Variants in CCDC178 observed in about 807,000 individuals in gnomAD.
CCDC178 encodes coiled-coil domain containing 178, also known as coiled-coil domain-containing protein 178.
CCDC178 carries 126 observed loss-of-function variants against 117.4 expected under a neutral mutation model. The observed-to-expected ratio is 1.07, with a 90% CI of 0.93 to 1.24. CCDC178 has a LOEUF of 1.24. CCDC178 is among the 50% of genes most tolerant of loss of function. CCDC178 has a pLI of 0.00. For missense variants in CCDC178, 1,030 were observed against 986.9 expected, an observed-to-expected ratio of 1.04 and a Z score of -0.59; for synonymous variants, 283 against 313.4, an observed-to-expected ratio of 0.90 and a Z score of 1.02.
chr18:33,229,464 A>G (rs796361598), intron 15 of CCDC178, among the ~76,000 whole-genome samples: 34 of 152,310 alleles, frequency 2.2e-4, no homozygotes, highest in African/African-American at 8.2e-4. Context: ...GATACATTAT[A>G]TGCTTTCTGG....
intron 20 of CCDC178, among the ~76,000 whole-genome samples, chr18:33,206,524 C>T (rs1014683316): frequency 1.3e-5 from 2 of 152,000 alleles, no homozygotes; most frequent in Non-Finnish European, 2.9e-5. Context: ...AGTATGACTA[C>T]ATAAGCAGAA....
At chr18:33,192,727 C>T (rs917709842) in intron 20 of CCDC178, among the ~76,000 whole-genome samples, 2 of 151,292 alleles carry the variant, frequency 1.3e-5, no homozygotes, top group African/African-American at 4.9e-5. Flanking sequence ...ATGGCGAAAC[C>T]CCGTCTCTAC....
At chr18:33,066,148 A>T (rs1265904873) in intron 21 of CCDC178, among the ~76,000 whole-genome samples, 1 of 152,142 alleles carries the variant, frequency 6.6e-6, no homozygotes, top group Non-Finnish European at 1.5e-5. Context: ...GGCATGAGCC[A>T]CCGCGCCTGG....
chr18:33,027,687 C>T (rs923319011), intron 21 of CCDC178, among the ~76,000 whole-genome samples: 8 of 151,570 alleles, frequency 5.3e-5, no homozygotes, highest in Admixed American at 2.6e-4. Flanking sequence ...GTTAAGTGTG[C>T]ACCTAACAAC....
intron 21 of CCDC178, among the ~76,000 whole-genome samples, chr18:33,057,248 A>C (rs996185074): frequency 2.0e-5 from 3 of 152,150 alleles, no homozygotes; most frequent in Non-Finnish European, 4.4e-5. Context: ...TTAGGGGCAA[A>C]GTTGTTTCAT....
chr18:33,231,410 T>C (rs9960648), intron 15 of CCDC178, among the ~76,000 whole-genome samples: 61 of 152,298 alleles, frequency 4.0e-4, no homozygotes, highest in African/African-American at 1.4e-3. Flanking sequence ...ATAAATACAA[T>C]GCATGGGGCT....
chr18:33,389,657 A>G (rs771679000), intron 4 of CCDC178, 28 bp from the exon 5 acceptor site: 1 of 1,192,198 alleles, frequency 8.4e-7, no homozygotes, highest in Non-Finnish European at 1.2e-6. Context: ...TACATATTTT[A>G]GTGAGTAGTT....
chr18:33,311,280 G>A (rs1010813860), intron 11 of CCDC178, among the ~76,000 whole-genome samples: 4 of 152,200 alleles, frequency 2.6e-5, no homozygotes, highest in Non-Finnish European at 5.9e-5. Flanking sequence ...ATGTCTCAGA[G>A]CACATCAGAC....
At chr18:33,195,973 T>G (rs574586331) in intron 20 of CCDC178, among the ~76,000 whole-genome samples, 95 of 152,330 alleles carry the variant, frequency 6.2e-4, no homozygotes, top group Middle Eastern at 3.4e-3. Context: ...AAGAGCAGTC[T>G]GGCCTTTGCC....
chr18:33,229,285 T>C (rs1191448554), intron 15 of CCDC178, among the ~76,000 whole-genome samples: 2 of 152,154 alleles, frequency 1.3e-5, no homozygotes, highest in Non-Finnish European at 2.9e-5. Context: ...CTATTTTTAT[T>C]GGTCATTAAA....
chr18:33,263,780 T>C (rs1239239468), intron 14 of CCDC178, among the ~76,000 whole-genome samples: 1 of 152,108 alleles, frequency 6.6e-6, no homozygotes, highest in East Asian at 1.9e-4. Context: ...GTCTAGAGCA[T>C]ATCCAAGGAC....
chr18:33,080,641 T>A (rs1434023225), intron 21 of CCDC178, among the ~76,000 whole-genome samples: 1 of 152,202 alleles, frequency 6.6e-6, no homozygotes, highest in East Asian at 1.9e-4. Flanking sequence ...CCACTCAGTC[T>A]GTGGTACTTT....
chr18:33,230,112 C>T (rs150771961), intron 15 of CCDC178, among the ~76,000 whole-genome samples: 4 of 152,184 alleles, frequency 2.6e-5, no homozygotes, highest in East Asian at 1.9e-4. Context: ...CGTAATTTAT[C>T]GAATGCCATA....
chr18:33,071,697 T>C (rs2057112072), intron 21 of CCDC178, among the ~76,000 whole-genome samples: 1 of 152,132 alleles, frequency 6.6e-6, no homozygotes, highest in Non-Finnish European at 1.5e-5. Context: ...ACATTATATT[T>C]AGGTGGATGG....
chr18:33,436,797 G>A (rs919492116), intron 2 of CCDC178, among the ~76,000 whole-genome samples: 1 of 151,920 alleles, frequency 6.6e-6, no homozygotes, highest in African/African-American at 2.4e-5. Flanking sequence ...TATATGAAAA[G>A]CTTATTATAA....
intron 15 of CCDC178, 137 bp from the exon 16 acceptor site, chr18:33,226,992 T>C: frequency 3.0e-6 from 1 of 337,740 alleles, no homozygotes; most frequent in East Asian, 4.8e-5. Context: ...TTATTATATG[T>C]ATTTTTAAAA....
intron 21 of CCDC178, among the ~76,000 whole-genome samples, chr18:33,036,817 G>A (rs927115938): frequency 6.6e-6 from 1 of 151,900 alleles, no homozygotes; most frequent in Non-Finnish European, 1.5e-5. Flanking sequence ...GCTAAGACAA[G>A]ACACGGGGAG....
intron 21 of CCDC178, among the ~76,000 whole-genome samples, chr18:33,034,916 T>G (rs553803809): frequency 3.9e-4 from 59 of 152,196 alleles, no homozygotes; most frequent in Admixed American, 5.9e-4. Context: ...AATGCCAATA[T>G]AATATAAAGT....
chr18:33,238,377 A>G (rs2059450142), intron 15 of CCDC178, among the ~76,000 whole-genome samples: 1 of 152,182 alleles, frequency 6.6e-6, no homozygotes, highest in Non-Finnish European at 1.5e-5. Context: ...GAGAGATACA[A>G]GAGAATACAG....
Sources: gnomAD v4.1 joint callset for allele counts (sites outside exome capture counted in the v4.1 genomes callset) on GRCh38, gnomAD v4.1.1 for gene constraint, MANE v1.5 for transcripts, NCBI Gene and HGNC (gene_info 2026-07-23, HGNC 2026-07-21) for gene names.